The following NRF1 variants were observed in gnomAD, a reference collection of about 807,000 sequenced individuals.
The protein encoded by NRF1 is alpha palindromic-binding protein.
A neutral mutation model predicts 58.5 loss-of-function variants in NRF1; 5 were observed. The observed-to-expected ratio is 0.09, with a 90% CI of 0.04 to 0.18. The LOEUF is 0.18. NRF1 is among the 10% of genes least tolerant of loss of function. The pLI is 1.00. For synonymous variants in NRF1, 224 were observed against 246.7 expected, an observed-to-expected ratio of 0.91 and a Z score of 0.86; for missense variants, 288 against 657.7, an observed-to-expected ratio of 0.44 and a Z score of 6.15.
chr7:129,629,613 G>A (rs13239849), intron 1 of NRF1, among the ~76,000 whole-genome samples: 20,258 of 152,214 alleles, frequency 0.13, 1,674 homozygotes, highest in Admixed American at 0.23. Context: ...TCTGAATGCA[G>A]CAGAAAGCTG....
intron 4 of NRF1, among the ~76,000 whole-genome samples, chr7:129,680,665 A>G (rs1022777048): frequency 6.6e-6 from 1 of 152,238 alleles, no homozygotes; most frequent in Non-Finnish European, 1.5e-5. Flanking sequence ...AACCTTTAAA[A>G]CATTGTGCTA....
intron 10 of NRF1, among the ~76,000 whole-genome samples, chr7:129,748,435 GT>G (rs1461327735): frequency 1.3e-5 from 2 of 152,166 alleles, no homozygotes; most frequent in African/African-American, 4.8e-5. Context: ...CAGGTGGGCT[GT>G]CCCCTCAGAG....
chr7:129,625,896 A>C (rs1023754240), intron 1 of NRF1, among the ~76,000 whole-genome samples: 13 of 151,978 alleles, frequency 8.6e-5, no homozygotes, highest in East Asian at 3.9e-4. Flanking sequence ...GTTAGCCAGG[A>C]TGGTCTTGAT....
At chr7:129,666,201 T>C (rs1435855812) in intron 2 of NRF1, among the ~76,000 whole-genome samples, 1 of 152,156 alleles carries the variant, frequency 6.6e-6, no homozygotes, top group African/African-American at 2.4e-5. Context: ...TTTTAAGAAA[T>C]AAAAAGTACA....
intron 5 of NRF1, among the ~76,000 whole-genome samples, chr7:129,701,100 T>TA (rs1435535963): frequency 2.6e-5 from 4 of 152,126 alleles, no homozygotes; most frequent in Non-Finnish European, 5.9e-5. Context: ...ATATTTACAT[T>TA]TATATGACAA....
rs1336783450 is a variant in NRF1 at position 129,756,416 on chromosome 7, T to TG, written c.*1236dup. On this transcript the variant is annotated 3_prime_UTR_variant, in exon 11 of 11. Transcript: ENST00000393232. Reference sequence around the variant, plus strand: ...TTTGCTGTGTTCCTGGATCAGGCCCTGCTTCAGAAGGGACTCCTGGAGGCC... The same window carrying TG: ...TTTGCTGTGTTCCTGGATCAGGCCCTGGCTTCAGAAGGGACTCCTGGAGGCC... The TG allele has an allele frequency of 6.6e-6, 1 of 152,384 alleles. No individual in the cohort carries two copies. The highest frequency in any genetic ancestry group is 1.9e-4 in the East Asian group (1 of 5,204). The allele number at this position is 152,384 out of a possible 1,614,324, so 9.4% of individuals were successfully genotyped here. A position where few individuals can be genotyped will look rare whatever the true frequency, so the allele number is the denominator to read the frequency against.
chr7:129,667,457 T>C (rs1380731931), intron 2 of NRF1, among the ~76,000 whole-genome samples: 1 of 152,184 alleles, frequency 6.6e-6, no homozygotes, highest in Non-Finnish European at 1.5e-5. Context: ...TTTTTTGGTC[T>C]TTTTTATGTC....
intron 4 of NRF1, among the ~76,000 whole-genome samples, chr7:129,682,817 G>T (rs757011500): frequency 8.6e-5 from 13 of 151,870 alleles, no homozygotes; most frequent in Non-Finnish European, 1.9e-4. Flanking sequence ...ACAAACAAAA[G>T]AAGCTGATAC....
chr7:129,720,389 T>C (rs1803295140), intron 9 of NRF1, among the ~76,000 whole-genome samples: 1 of 152,176 alleles, frequency 6.6e-6, no homozygotes, highest in Non-Finnish European at 1.5e-5. Context: ...TGCAGTAGAA[T>C]CATTTAGTCC....
intron 3 of NRF1, among the ~76,000 whole-genome samples, chr7:129,673,958 G>C (rs547726338): frequency 6.6e-6 from 1 of 151,950 alleles, no homozygotes; most frequent in African/African-American, 2.4e-5. Flanking sequence ...TGGCCACCAT[G>C]GTGAAACCCC....
chr7:129,619,476 GTGTGTGTGTGTGTGTA>G (rs1285995092), intron 1 of NRF1, among the ~76,000 whole-genome samples: 1 of 28,846 alleles, frequency 3.5e-5, no homozygotes, highest in African/African-American at 7.3e-5. Context: ...GTGTGTGTGT[GTGTGTGTGTGTGTGTA>G]TATATATATA....
At chr7:129,716,869 CA>C (rs35766307) in intron 8 of NRF1, among the ~76,000 whole-genome samples, 42,285 of 143,000 alleles carry the variant, frequency 0.3, 7,545 homozygotes, top group Non-Finnish European at 0.42. Context: ...GACTCCCTCT[CA>C]AAAAAAAAAA....
At chr7:129,748,274 CAAAAA>C (rs10655886) in intron 10 of NRF1, among the ~76,000 whole-genome samples, 12 of 78,068 alleles carry the variant, frequency 1.5e-4, no homozygotes, top group Admixed American at 1.3e-3. Context: ...GACTCCGTCT[CAAAAA>C]AAAAAAAAAA....
intron 1 of NRF1, among the ~76,000 whole-genome samples, chr7:129,652,015 A>C (rs2151073016): frequency 6.6e-6 from 1 of 152,300 alleles, no homozygotes; most frequent in Admixed American, 6.5e-5. Flanking sequence ...GTTTTCAAAG[A>C]CCTCAGAAAA....
chr7:129,663,272 C>T (rs976525834), intron 2 of NRF1, among the ~76,000 whole-genome samples: 2 of 151,974 alleles, frequency 1.3e-5, no homozygotes, highest in South Asian at 2.1e-4. Context: ...GCTGTCTCTT[C>T]GGAGCTGTTG....
At chr7:129,719,660 A>G (rs900020262) in intron 9 of NRF1, among the ~76,000 whole-genome samples, 5 of 152,014 alleles carry the variant, frequency 3.3e-5, no homozygotes, top group African/African-American at 7.2e-5. Context: ...ACTCACGTAT[A>G]TACTCATCAT....
intron 10 of NRF1, among the ~76,000 whole-genome samples, chr7:129,749,898 A>T (rs1401697640): frequency 5.9e-5 from 9 of 151,962 alleles, no homozygotes; most frequent in African/African-American, 2.2e-4. Flanking sequence ...TACTAAACTG[A>T]GTTAACTCCA....
chr7:129,737,666 G>A (rs1021118529), intron 10 of NRF1, among the ~76,000 whole-genome samples: 48 of 152,268 alleles, frequency 3.2e-4, no homozygotes, highest in African/African-American at 1.0e-3. Flanking sequence ...TTTAGGAACT[G>A]TATTATTGTT....
At chr7:129,648,904 C>A (rs1801472889) in intron 1 of NRF1, among the ~76,000 whole-genome samples, 1 of 146,714 alleles carries the variant, frequency 6.8e-6, no homozygotes, top group Admixed American at 6.8e-5. Context: ...ACTACATGTA[C>A]AACTATAGCT....
Sources: allele counts gnomAD v4.1 joint callset (sites outside exome capture counted in the v4.1 genomes callset), GRCh38; gene constraint gnomAD v4.1.1; transcripts MANE v1.5; gene names NCBI Gene and HGNC (gene_info 2026-07-23, HGNC 2026-07-21).